SLC9A1: variants seen among roughly 807,000 people sequenced by gnomAD.
SLC9A1 encodes the protein solute carrier family 9 member A1.
In SLC9A1, 22 loss-of-function variants were observed where a neutral mutation model predicts 67.9. That is an observed-to-expected ratio of 0.32 (90% CI 0.23 to 0.46). SLC9A1 has a LOEUF of 0.46. Ranked by LOEUF, SLC9A1 falls within the 20% of genes least tolerant of loss-of-function variation. The pLI is 1.00. For synonymous variants in SLC9A1, 421 were observed against 471.8 expected (o/e 0.89, Z 1.40); for missense variants, 686 against 1,094.8 (o/e 0.63, Z 5.27).
intron 1 of SLC9A1, among the ~76,000 whole-genome samples, chr1:27,147,030 G>A (rs1318813915): frequency 6.6e-6 from 1 of 151,956 alleles, no homozygotes; most frequent in African/African-American, 2.4e-5. Flanking sequence ...TCAGGACTTT[G>A]GGAGGCTGAG....
chr1:27,138,647 T>C (rs2124198227), intron 1 of SLC9A1, among the ~76,000 whole-genome samples: 1 of 152,100 alleles, frequency 6.6e-6, no homozygotes, highest in Non-Finnish European at 1.5e-5. Flanking sequence ...CTATGGGCAG[T>C]GCTCCAGGCT....
intron 1 of SLC9A1, among the ~76,000 whole-genome samples, chr1:27,150,475 GCCTGGGAGT>G (rs981275783): frequency 2.0e-5 from 3 of 152,196 alleles, no homozygotes; most frequent in Admixed American, 6.5e-5. Flanking sequence ...ATAAGTACTA[GCCTGGGAGT>G]CAGGTGAACA....
At position 27,114,305 on chromosome 1, in the gene SLC9A1, C is replaced by T. The variant is rs762579023; in HGVS notation, c.353-19G>A. 1.8e-5 allele frequency: 29 copies of T among 1,591,952 alleles called. No individual in the cohort carries two copies. The highest frequency in any genetic ancestry group is 8.1e-5 in the African/African-American group (6 of 74,410). ...TGGAAACCTGCGGAGGGCGAGAGAA[C>T]GGGAGGCCATGGGCTTTCGGAGGAG... On this transcript the variant is annotated intron_variant, in intron 1 of 11. Coordinates refer to ENST00000263980, the MANE Select transcript of SLC9A1 (RefSeq NM_003047.5). This position sits in a 1 kb window ranked among gnomAD's most constrained non-coding sequence, Gnocchi z 5.4.
chr1:27,130,345 G>A (rs532176433), intron 1 of SLC9A1, among the ~76,000 whole-genome samples: 2 of 152,250 alleles, frequency 1.3e-5, no homozygotes, highest in African/African-American at 2.4e-5. Flanking sequence ...CTCGTGATCC[G>A]CCTGCCTCGG....
At chr1:27,122,094 GAC>G (rs1379291586) in intron 1 of SLC9A1, among the ~76,000 whole-genome samples, 1 of 152,068 alleles carries the variant, frequency 6.6e-6, no homozygotes, top group Non-Finnish European at 1.5e-5. Flanking sequence ...CAGCCTGGGC[GAC>G]AGAGTGAGAC....
At position 27,107,877 on chromosome 1, in the gene SLC9A1, A is replaced by C; in HGVS notation, c.1065-12T>G. The C allele has an allele frequency of 6.3e-7, 1 of 1,578,738 alleles. No individual in the cohort carries two copies. Among genetic ancestry groups the C allele is most frequent in the Non-Finnish European group, 8.6e-7 (1 of 1,159,854 alleles). Reference sequence around the variant, plus strand: ...CTGAGGCTATGAGCCTGGAGCAGGAAAGAGCGGGGTCAGGGCTCCGTGTCG... The same window carrying C: ...CTGAGGCTATGAGCCTGGAGCAGGACAGAGCGGGGTCAGGGCTCCGTGTCG... On this transcript the variant is annotated splice_polypyrimidine_tract_variant and intron_variant, in intron 3 of 11. Transcript: ENST00000263980.
chr1:27,128,657 TAAAA>T (rs768704005), intron 1 of SLC9A1, among the ~76,000 whole-genome samples: 2 of 106,756 alleles, frequency 1.9e-5, no homozygotes, highest in African/African-American at 3.6e-5. Context: ...ACCCTGTCTT[TAAAA>T]AAAAAAAAAA....
rs2083213520 is a variant in SLC9A1 at position 27,109,611 on chromosome 1, C to T, written c.980G>A (p.Arg327Gln). Reference sequence around the variant, plus strand: ...GAAGACGAAGAGCGGCTCGATGACCCGGATGTGGGAGGTAAATCGGGAGGT... The same window carrying T: ...GAAGACGAAGAGCGGCTCGATGACCTGGATGTGGGAGGTAAATCGGGAGGT... ...AFTSRFTSHI[R>Q]VIEPLFVFLY... The change falls in exon 3 of 12, where the codon CGG becomes CAG. Residue 327 changes from arginine to glutamine, a missense_variant. Arg to Gln is a conservative substitution (Grantham distance 43). Around this residue, in one of 7 missense-constraint regions of SLC9A1, gnomAD observed 58 missense variants for 68.9 expected, o/e 0.84. Transcript: ENST00000263980. The surrounding 1 kb of genome is among the most constrained non-coding windows in gnomAD (Gnocchi z 5.5). The T allele has an allele frequency of 3.7e-6, 6 of 1,613,874 alleles. No homozygotes were observed. The highest frequency in any genetic ancestry group is 5.1e-6 in the Non-Finnish European group (6 of 1,179,996).
chr1:27,105,494 C>T, intron 5 of SLC9A1: 1 of 563,204 alleles, frequency 1.8e-6, no homozygotes, highest in South Asian at 2.1e-5. Context: ...GACGGGGTTT[C>T]ACCATGTTAG....
chr1:27,155,100 AG>A lies in SLC9A1; in HGVS notation c.-767del, dbSNP rs1315329421. Among the ~76,000 whole-genome samples, 1 of 151,990 alleles carries A rather than the reference AG, an allele frequency of 6.6e-6. No homozygotes were observed. Among genetic ancestry groups the A allele is most frequent in the Non-Finnish European group, 1.5e-5 (1 of 67,952 alleles). On this transcript the variant is annotated 5_prime_UTR_variant, in exon 1 of 12. Transcript: ENST00000263980. This position sits in a 1 kb window ranked among gnomAD's most constrained non-coding sequence, Gnocchi z 4.5. Reference sequence around the variant, plus strand: ...CTGGTCCAGCTCCAGAACTAACCCTAGCCCCGGCCCCGGCGGCAGCAGACTG... The same window carrying A: ...CTGGTCCAGCTCCAGAACTAACCCTACCCCGGCCCCGGCGGCAGCAGACTG...
At chr1:27,140,791 C>T (rs889628214) in intron 1 of SLC9A1, among the ~76,000 whole-genome samples, 1 of 152,190 alleles carries the variant, frequency 6.6e-6, no homozygotes, top group African/African-American at 2.4e-5. Context: ...AGTCTTGCTA[C>T]TCCAGCTAGG....
At chr1:27,136,530 CA>C (rs11309499) in intron 1 of SLC9A1, among the ~76,000 whole-genome samples, 45,125 of 152,066 alleles carry the variant, frequency 0.3, 7,202 homozygotes, top group Non-Finnish European at 0.36. Flanking sequence ...AGGATAAGAC[CA>C]GGAGTTTTGA....
chr1:27,102,223 C>T (rs377725608), intron 8 of SLC9A1, 93 bp from the exon 9 acceptor site: 1 of 1,351,044 alleles, frequency 7.4e-7, no homozygotes, highest in Non-Finnish European at 1.1e-6. Flanking sequence ...TAGGGATGAC[C>T]CAGGTGGGCG....
chr1:27,104,429 G>T (rs56280058), intron 5 of SLC9A1, among the ~76,000 whole-genome samples: 2,514 of 151,928 alleles, frequency 0.017, 70 homozygotes, highest in African/African-American at 0.054. Flanking sequence ...TGTCACACAG[G>T]CTGGAGGAGT....
chr1:27,128,538 C>T lies in SLC9A1; in HGVS notation c.353-14252G>A, dbSNP rs191939169. Among the ~76,000 whole-genome samples the T allele has an allele frequency of 1.1e-3, 160 of 152,060 alleles. 1 individual carries two copies. Among genetic ancestry groups the T allele is most frequent in the African/African-American group, 3.7e-3 (154 of 41,472 alleles). On this transcript the variant is annotated intron_variant, in intron 1 of 11. Transcript: ENST00000263980. ...GGCATGGCTGGTGCATACCTGTAGT[C>T]CCAGCTACTAGGGAGGCTGAGGTGG...
Position 27,138,831 on chromosome 1 carries a change from C to T in SLC9A1, c.352+15152G>A, listed in dbSNP as rs77633538. 4.3e-3 allele frequency among the ~76,000 whole-genome samples: 652 copies of T among 152,236 alleles called. 9 individuals carry two copies. The highest frequency in any genetic ancestry group is 0.015 in the African/African-American group (617 of 41,488). ...ATTTTCTCCCAAGTTCATCAGGAAG[C>T]ATTTGAAAGGTTTTCAGCAGGGGAA... is the stretch of plus-strand genomic sequence containing the variant. On this transcript the variant is annotated intron_variant, in intron 1 of 11. Transcript: ENST00000263980.
chr1:27,154,326 C>T lies in SLC9A1; in HGVS notation c.9G>A (p.Leu3=). MV[L]RSGICGLSPH... ...GAGAGAGGCCACAGATGCCAGACCG[C>T]AGAACCATGGTGCTGCTTCCAGAGC... The change falls in exon 1 of 12, where the codon CTG becomes CTA. Residue 3 remains leucine, a synonymous_variant. Coordinates refer to ENST00000263980, the MANE Select transcript of SLC9A1 (RefSeq NM_003047.5). 1 of 1,587,744 alleles carries T rather than the reference C, an allele frequency of 6.3e-7. No homozygotes were observed. Among genetic ancestry groups the T allele is most frequent in the East Asian group, 2.2e-5 (1 of 44,488 alleles).
At chr1:27,151,392 C>T (rs1017452068) in intron 1 of SLC9A1, among the ~76,000 whole-genome samples, 4 of 152,062 alleles carry the variant, frequency 2.6e-5, no homozygotes, top group African/African-American at 9.7e-5. Flanking sequence ...CGGAATTTCA[C>T]TCTTGTTGCC....
At chr1:27,141,866 G>A (rs1436955256) in intron 1 of SLC9A1, among the ~76,000 whole-genome samples, 1 of 152,184 alleles carries the variant, frequency 6.6e-6, no homozygotes, top group Non-Finnish European at 1.5e-5. Context: ...TGGCCACCGG[G>A]GAGATAAGAT....
Sources: allele counts gnomAD v4.1 joint callset (sites outside exome capture counted in the v4.1 genomes callset), GRCh38; gene constraint gnomAD v4.1.1; regional missense constraint gnomAD v4.1.1; non-coding constraint Gnocchi (gnomAD v3.1); transcripts MANE v1.5; gene names NCBI Gene and HGNC (gene_info 2026-07-23, HGNC 2026-07-21).